ATP1A1: variants seen among roughly 807,000 people sequenced by gnomAD.
ATP1A1 encodes sodium/potassium-transporting ATPase subunit alpha-1.
ATP1A1 carries 14 observed loss-of-function variants against 114.8 expected under a neutral mutation model. The ratio of observed to expected loss-of-function variants is 0.12; its 90% confidence interval spans 0.08 to 0.19. The LOEUF is 0.19. Among genes scored for constraint, ATP1A1 ranks in the 10% least tolerant of loss-of-function variants. The pLI is 1.00. For missense variants in ATP1A1, 524 were observed against 1,290.7 expected, an observed-to-expected ratio of 0.41 and a Z score of 9.10; for synonymous variants, 471 against 466.3, an observed-to-expected ratio of 1.01 and a Z score of -0.13.
rs1248532426 is a variant in ATP1A1 at position 116,395,041 on chromosome 1, T to C, written c.1661-69T>C. ...TCCAGAGAAAGGTAGGCGGGCTGAA[T>C]AGGCTGCTGTTGTCCTTCTTACTGC... On this transcript the variant is annotated intron_variant, in intron 12 of 22. Coordinates refer to ENST00000295598, the MANE Select transcript of ATP1A1 (RefSeq NM_000701.8). This position sits in a 1 kb window ranked among gnomAD's most constrained non-coding sequence, Gnocchi z 6.4. 1 of 1,499,432 alleles carries C rather than the reference T, an allele frequency of 6.7e-7. No homozygotes were observed. The highest frequency in any genetic ancestry group is 2.0e-5 in the Admixed American group (1 of 49,652). 92.9% of individuals were successfully genotyped at this position (1,499,432 alleles called of 1,614,324 possible). A position where few individuals can be genotyped will look rare whatever the true frequency, so the allele number is the denominator to read the frequency against.
chr1:116,395,345 G>C lies in ATP1A1; in HGVS notation c.1836+60G>C. The C allele has an allele frequency of 6.4e-7, 1 of 1,566,558 alleles. No individual in the cohort carries two copies. The highest frequency in any genetic ancestry group is 8.7e-7 in the Non-Finnish European group (1 of 1,155,680). ...AGTGCCTTGGGACACCCTACTCAGT[G>C]AATGTTGCCTTTTGAGGTCCAGATG... On this transcript the variant is annotated intron_variant, in intron 13 of 22. Transcript: ENST00000295598. The surrounding 1 kb of genome is among the most constrained non-coding windows in gnomAD (Gnocchi z 6.4).
intron 1 of ATP1A1, among the ~76,000 whole-genome samples, 173 bp downstream of exon 1, chr1:116,373,696 G>T (rs1303647351): frequency 6.8e-6 from 1 of 148,140 alleles, no homozygotes; most frequent in Non-Finnish European, 1.5e-5. Context: ...GAAATGGAGG[G>T]AGCGCAGTAA....
chr1:116,397,343 G>A lies in ATP1A1; in HGVS notation c.1974-545G>A, dbSNP rs1653018035. ...GGTTATATTTCTTTTTTTCTTTGAT[G>A]GAGTCTCGCTCTGTCATCCCGGTTG... On this transcript the variant is annotated intron_variant, in intron 14 of 22. Transcript: ENST00000295598. This position sits in a 1 kb window ranked among gnomAD's most constrained non-coding sequence, Gnocchi z 4.2. 6.6e-6 allele frequency among the ~76,000 whole-genome samples: 1 copy of A among 151,902 alleles called. No homozygotes were observed. Among genetic ancestry groups the A allele is most frequent in the Non-Finnish European group, 1.5e-5 (1 of 67,978 alleles).
At chr1:116,374,410 G>C (rs1324656158) in intron 1 of ATP1A1, among the ~76,000 whole-genome samples, 1 of 152,128 alleles carries the variant, frequency 6.6e-6, no homozygotes, top group Non-Finnish European at 1.5e-5. Flanking sequence ...CAAGAAACCC[G>C]AAAAAGGACT....
Position 116,404,740 on chromosome 1 carries a change from G to C in ATP1A1, c.*296G>C. 3 of 1,183,778 alleles carry C rather than the reference G, an allele frequency of 2.5e-6. No individual in the cohort carries two copies. Among genetic ancestry groups the C allele is most frequent in the Non-Finnish European group, 3.1e-6 (3 of 959,112 alleles). 73.3% of individuals were successfully genotyped at this position (1,183,778 alleles called of 1,614,324 possible). A position where few individuals can be genotyped will look rare whatever the true frequency, so the allele number is the denominator to read the frequency against. On this transcript the variant is annotated 3_prime_UTR_variant, in exon 23 of 23. Transcript: ENST00000295598. The surrounding 1 kb of genome is among the most constrained non-coding windows in gnomAD (Gnocchi z 4.8). Reference sequence around the variant, plus strand: ...ACTGAAAGAATACATTTTATATCTGGATTTTTACAAATAAAGATGGCTATT... The same window carrying C: ...ACTGAAAGAATACATTTTATATCTGCATTTTTACAAATAAAGATGGCTATT...
chr1:116,373,370 T>TGGC lies in ATP1A1; in HGVS notation c.-142_-141insGGC. The TGGC allele has an allele frequency of 6.0e-6, 2 of 333,836 alleles. No homozygotes were observed. The highest frequency in any genetic ancestry group is 8.9e-5 in the East Asian group (1 of 11,240). The allele number at this position is 333,836 out of a possible 1,614,324, so 20.7% of individuals were successfully genotyped here. ...CATCGGCCCGAGCCGCCGGCCGCCC[T>TGGC]CCCACCCTCCCGCCCCGCGGCAGCC... is the stretch of plus-strand genomic sequence containing the variant. On this transcript the variant is annotated 5_prime_UTR_variant, in exon 1 of 23. Transcript: ENST00000295598.
chr1:116,373,277 G>T lies in ATP1A1; in HGVS notation c.-235G>T, dbSNP rs929229129. The T allele has an allele frequency of 1.8e-5, 7 of 395,312 alleles. No homozygotes were observed. In the Admixed American group the frequency reaches 1.9e-4, roughly 11 times the overall value. 24.5% of individuals were successfully genotyped at this position (395,312 alleles called of 1,614,324 possible). A position where few individuals can be genotyped will look rare whatever the true frequency, so the allele number is the denominator to read the frequency against. On this transcript the variant is annotated 5_prime_UTR_variant, in exon 1 of 23. Transcript: ENST00000295598. ...GGCGGGGTCTGGGGCGCAGAGCAGC[G>T]GCGGGAGGAGGCGGACACGTGGCAA...
At chr1:116,378,429 C>G (rs1016926757) in intron 1 of ATP1A1, among the ~76,000 whole-genome samples, 2 of 152,220 alleles carry the variant, frequency 1.3e-5, no homozygotes, top group African/African-American at 4.8e-5. Flanking sequence ...TAAGTTGATT[C>G]ATGATAGTTC....
rs902134618 is a variant in ATP1A1 at position 116,397,633 on chromosome 1, A to G, written c.1974-255A>G. Among the ~76,000 whole-genome samples the G allele has an allele frequency of 6.6e-6, 1 of 152,188 alleles. No homozygotes were observed. Among genetic ancestry groups the G allele is most frequent in the African/African-American group, 2.4e-5 (1 of 41,446 alleles). ...AACTTGGTTATATTTCAGCATGTCT[A>G]ATAAAGATAGGGAAAGGAAGAATAC... On this transcript the variant is annotated intron_variant, in intron 14 of 22. Transcript: ENST00000295598. This position sits in a 1 kb window ranked among gnomAD's most constrained non-coding sequence, Gnocchi z 4.2.
chr1:116,376,967 C>T (rs759879927), intron 1 of ATP1A1, among the ~76,000 whole-genome samples: 6 of 152,174 alleles, frequency 3.9e-5, no homozygotes, highest in Non-Finnish European at 5.9e-5. Context: ...CATGCCAGTA[C>T]CCTCAGTCAT....
chr1:116,396,879 A>G, intron 14 of ATP1A1, 145 bp downstream of exon 14: 1 of 1,062,256 alleles, frequency 9.4e-7, no homozygotes, highest in South Asian at 2.3e-5. Flanking sequence ...CAACCTTGTC[A>G]TTCCTAAGAA....
At chr1:116,392,788 T>C in intron 10 of ATP1A1, 66 bp from the exon 11 acceptor site, 1 of 1,559,364 alleles carries the variant, frequency 6.4e-7, no homozygotes, top group Non-Finnish European at 8.7e-7. Flanking sequence ...TTATTTTTCC[T>C]GTTTTTTAGT....
chr1:116,390,758 G>C (rs1401067045), intron 9 of ATP1A1, 24 bp from the exon 10 acceptor site: 1 of 1,585,590 alleles, frequency 6.3e-7, no homozygotes, highest in South Asian at 1.1e-5. Flanking sequence ...TTGTTGTTCT[G>C]TTGTGTTTTC....
rs116508165 is a variant in ATP1A1 at position 116,401,746 on chromosome 1, A to C, written c.2951+91A>C. 4.1e-4 allele frequency: 542 copies of C among 1,333,462 alleles called. No individual in the cohort carries two copies. In the African/African-American group the frequency reaches 6.8e-3, roughly 17 times the overall value. The allele number at this position is 1,333,462 out of a possible 1,614,324, so 82.6% of individuals were successfully genotyped here. A position where few individuals can be genotyped will look rare whatever the true frequency, so the allele number is the denominator to read the frequency against. ...TTGTGGTAATAGTTGTTATTTTCAG[A>C]ATTTTGAGTGGTATGTACAAAAATT... is the stretch of plus-strand genomic sequence containing the variant. On this transcript the variant is annotated intron_variant, in intron 21 of 22. Transcript: ENST00000295598. The surrounding 1 kb of genome is among the most constrained non-coding windows in gnomAD (Gnocchi z 4.7).
chr1:116,404,025 T>C lies in ATP1A1; in HGVS notation c.3043+50T>C. On this transcript the variant is annotated intron_variant, in intron 22 of 22. Coordinates refer to ENST00000295598, the MANE Select transcript of ATP1A1 (RefSeq NM_000701.8). The surrounding 1 kb of genome is among the most constrained non-coding windows in gnomAD (Gnocchi z 4.8). ...GTTGGAGGAGGAGTGGGAGGGGCTA[T>C]AGTTCTATTGGTTTTTTGTTTCCCT... 1 of 1,559,928 alleles carries C rather than the reference T, an allele frequency of 6.4e-7. No individual in the cohort carries two copies. The highest frequency in any genetic ancestry group is 8.8e-7 in the Non-Finnish European group (1 of 1,135,146).
intron 1 of ATP1A1, chr1:116,374,202 A>G (rs1651198125): frequency 6.4e-7 from 1 of 1,551,034 alleles, no homozygotes; most frequent in Non-Finnish European, 8.7e-7. Context: ...GGCTGGTGCC[A>G]GAAAGGGTGT....
rs1367574433 is a variant in ATP1A1, at chr1:116,401,702, T to C, written c.2951+47T>C. ...TCCAAAAAGTATGAAATAGTATGTG[T>C]GGCTTTTCCCCCCATTACTTGTGGT... On this transcript the variant is annotated intron_variant, in intron 21 of 22. Transcript: ENST00000295598. The surrounding 1 kb of genome is among the most constrained non-coding windows in gnomAD (Gnocchi z 4.7). 2 of 1,559,296 alleles carry C rather than the reference T, an allele frequency of 1.3e-6. No individual in the cohort carries two copies. Among genetic ancestry groups the C allele is most frequent in the South Asian group, 2.3e-5 (2 of 88,344 alleles).
chr1:116,383,702 A>G (rs944003382), intron 1 of ATP1A1: 1 of 249,722 alleles, frequency 4.0e-6, no homozygotes, highest in Non-Finnish European at 7.8e-6. Flanking sequence ...AGGGATTTTG[A>G]TAGCAAAAAT....
In ATP1A1 at chr1:116,398,932, C is replaced by T; in HGVS notation, c.2296C>T (p.Arg766Cys). 1 of 1,614,094 alleles carries T rather than the reference C, an allele frequency of 6.2e-7. No homozygotes were observed. The highest frequency in any genetic ancestry group is 8.5e-7 in the Non-Finnish European group (1 of 1,179,976). ...ASIVTGVEEGRLIFDNLKKSI... is the reference protein window; with the variant it reads ...ASIVTGVEEGCLIFDNLKKSI... ...GTAAAAAATCTTGGTTTTCATAGGT[C>T]GTCTGATCTTTGATAACTTGAAGAA... Residue 766 changes from arginine (R) to cysteine (C), a missense_variant and splice_region_variant, in exon 17 of 23, where the codon CGT (arginine) becomes TGT (cysteine). By Grantham distance (180) the Arg-to-Cys change is radical (BLOSUM62 -3). This residue lies in a region of ATP1A1 where 36 missense variants were observed against 199.6 expected (regional missense o/e 0.18). Transcript: ENST00000295598. This position sits in a 1 kb window ranked among gnomAD's most constrained non-coding sequence, Gnocchi z 6.1.
Sources: allele counts gnomAD v4.1 joint callset (sites outside exome capture counted in the v4.1 genomes callset), GRCh38; gene constraint gnomAD v4.1.1; regional missense constraint gnomAD v4.1.1; non-coding constraint Gnocchi (gnomAD v3.1); transcripts MANE v1.5; gene names NCBI Gene and HGNC (gene_info 2026-07-23, HGNC 2026-07-21).